PKD1: variants seen among roughly 807,000 people sequenced by gnomAD.
PKD1 encodes the protein polycystin 1, transient receptor potential channel interacting, also known as polycystin-1.
A neutral mutation model predicts 361.7 loss-of-function variants in PKD1; 81 were observed. The ratio of observed to expected loss-of-function variants is 0.22; its 90% CI spans 0.19 to 0.27. The LOEUF (loss-of-function observed/expected upper bound fraction) is 0.27. PKD1 is among the 10% of genes least tolerant of loss of function. PKD1 has a pLI of 1.00. For missense variants in PKD1, 6,399 were observed against 6,118.3 expected (o/e 1.05, Z -1.53); for synonymous variants, 3,615 against 2,818.3 (o/e 1.28, Z -8.95).
rs2092443301 is a variant in PKD1 at position 2,109,365 on chromosome 16, G to A, written c.5802C>T (p.Pro1934=). ...CGCGGGGGAAGCTGTGGGAGAAACGGGGCCCGGGGAGCACCTCGGGGTTGG... is the reference window on the plus strand; with the variant it reads ...CGCGGGGGAAGCTGTGGGAGAAACGAGGCCCGGGGAGCACCTCGGGGTTGG... The part of the protein sequence containing the change: ...GGANPEVLPG[P]RFSHSFPRVG... Residue 1934 remains proline (P), a synonymous_variant, in exon 15 of 46, where the codon CCC becomes CCT. Coordinates refer to ENST00000262304, the MANE Select transcript of PKD1 (RefSeq NM_001009944.3). The A allele has an allele frequency of 6.3e-7, 1 of 1,592,394 alleles. No homozygotes were observed. The highest frequency in any genetic ancestry group is 1.7e-5 in the Admixed American group (1 of 59,808).
In PKD1 at chr16:2,092,530, G is replaced by A; in HGVS notation, c.11219C>T (p.Ser3740Phe). 2 of 1,612,760 alleles carry A rather than the reference G, an allele frequency of 1.2e-6. No individual in the cohort carries two copies. Among genetic ancestry groups the A allele is most frequent in the South Asian group, 1.1e-5 (1 of 91,072 alleles). ...CCGTGGGGGCCCCAGCTCTGGGCTGGACTGGTTCCCGTGGACGTAGGGCAG... is the reference window on the plus strand; with the variant it reads ...CCGTGGGGGCCCCAGCTCTGGGCTGAACTGGTTCCCGTGGACGTAGGGCAG... ...VLLPYVHGNQ[S>F]SPELGPPRLR... Residue 3740 changes from serine to phenylalanine, a missense_variant, in exon 39 of 46, where the codon TCC (serine) becomes TTC (phenylalanine). By Grantham distance (155) the Ser-to-Phe change is radical. Coordinates refer to ENST00000262304, the MANE Select transcript of PKD1 (RefSeq NM_001009944.3).
rs1232180956 is a variant in PKD1, at chr16:2,118,018, T to A, written c.974A>T (p.Tyr325Phe). The A allele has an allele frequency of 1.9e-6, 3 of 1,594,368 alleles. No homozygotes were observed. The highest frequency in any genetic ancestry group is 1.3e-5 in the African/African-American group (1 of 74,836). ...CACGTGATAGCGCCCAGGCAGCACATAGCGATGCGAGGCAGCCGGCCCAGC... is the reference window on the plus strand; with the variant it reads ...CACGTGATAGCGCCCAGGCAGCACAAAGCGATGCGAGGCAGCCGGCCCAGC... The part of the protein sequence containing the change: ...DAAGPAASHR[Y>F]VLPGRYHVTA... The change falls in exon 5 of 46, where the codon TAT becomes TTT. Residue 325 changes from tyrosine to phenylalanine, a missense_variant. Coordinates refer to ENST00000262304, the MANE Select transcript of PKD1 (RefSeq NM_001009944.3). This position sits in a 1 kb window ranked among gnomAD's most constrained non-coding sequence, Gnocchi z 6.0.
At chr16:2,117,276 C>T (rs1276177260) in intron 6 of PKD1, among the ~76,000 whole-genome samples, 2 of 152,190 alleles carry the variant, frequency 1.3e-5, no homozygotes, top group African/African-American at 2.4e-5. Context: ...TCCCGTATGG[C>T]GTGCCCAGGA....
In PKD1 at chr16:2,110,432, G is replaced by A. The variant is rs555352423; in HGVS notation, c.4735C>T (p.Arg1579Cys). The change falls in exon 15 of 46, where the codon CGC (arginine) becomes TGC (cysteine). Residue 1579 changes from arginine to cysteine, a missense_variant. By Grantham distance (180) the Arg-to-Cys change is radical. Transcript: ENST00000262304. ...CGGTCACAGAGCACCCAGGAATAGC[G>A]CACATCACTGCCGGCCTCCAGCGAC... ...STSLEAGSDV[R>C]YSWVLCDRCT... The A allele has an allele frequency of 2.1e-5, 34 of 1,612,550 alleles. No homozygotes were observed. In the South Asian group the frequency reaches 3.0e-4, roughly 14 times the overall value.
chr16:2,121,748 A>AG (rs11373661), intron 1 of PKD1, among the ~76,000 whole-genome samples: 147,247 of 152,156 alleles, frequency 0.97, 71,283 homozygotes, highest in East Asian at 1. Context: ...CTCCTGGCAC[A>AG]GGACTATGGC....
chr16:2,116,492 C>G (rs1441168329), intron 8 of PKD1, 37 bp downstream of exon 8: 2 of 1,167,614 alleles, frequency 1.7e-6, no homozygotes, highest in East Asian at 2.5e-5. Context: ...CAGGGGCAGG[C>G]AGGAGGGCAG....
At position 2,117,493 on chromosome 16, in the gene PKD1, T is replaced by C; in HGVS notation, c.1381A>G (p.Thr461Ala). The change falls in exon 6 of 46, where the codon ACC becomes GCC. Residue 461 changes from threonine (T) to alanine (A), a missense_variant. Transcript: ENST00000262304. The stretch of plus-strand genomic sequence containing the variant: ...TCGGGGGGTGGGGGCAGGCACCTGG[T>C]GACCCGGGAGACCAGGAAGCGCTGC... ...AVQRFLVSRV[T>A]RSLDVWIGFS... 1.3e-6 allele frequency: 2 copies of C among 1,528,908 alleles called. No individual in the cohort carries two copies. The highest frequency in any genetic ancestry group is 2.3e-4 in the Middle Eastern group (1 of 4,292). The allele number at this position is 1,528,908 out of a possible 1,614,324, so 94.7% of individuals were successfully genotyped here.
chr16:2,103,654 C>A lies in PKD1; in HGVS notation c.8403G>T (p.Gly2801=). 6.2e-7 allele frequency: 1 copy of A among 1,610,262 alleles called. No homozygotes were observed. The highest frequency in any genetic ancestry group is 1.3e-5 in the African/African-American group (1 of 74,974). The change falls in exon 23 of 46, where the codon GGG becomes GGT. Residue 2801 remains glycine (G), a synonymous_variant. Transcript: ENST00000262304. ...CGGGGATGGAGAAGTGGCAGCCAGG[C>A]CCTGGGGCGCCGCCATAGCACAGCA... is the stretch of plus-strand genomic sequence containing the variant. ...RSLLCYGGAP[G]PGCHFSIPEA...
Position 2,090,148 on chromosome 16 carries a change from C to G in PKD1, c.12491G>C (p.Arg4164Pro). ...GGATACCTTGGAGCCCCTGGAGGAGCGAGAGGGCAGCGGCTCCATCCCTTC... is the reference window on the plus strand; with the variant it reads ...GGATACCTTGGAGCCCCTGGAGGAGGGAGAGGGCAGCGGCTCCATCCCTTC... ...RFEGMEPLPS[R>P]SSRGSKVSPD... Residue 4164 changes from arginine to proline, a missense_variant, in exon 46 of 46, where the codon CGC becomes CCC. By Grantham distance (103) the Arg-to-Pro change is moderately radical. Coordinates refer to ENST00000262304, the MANE Select transcript of PKD1 (RefSeq NM_001009944.3). The G allele has an allele frequency of 6.3e-7, 1 of 1,594,500 alleles. No individual in the cohort carries two copies. The highest frequency in any genetic ancestry group is 1.1e-5 in the South Asian group (1 of 89,404).
chr16:2,131,436 A>C (rs397833382), intron 1 of PKD1, among the ~76,000 whole-genome samples: 10 of 152,078 alleles, frequency 6.6e-5, no homozygotes, highest in African/African-American at 2.4e-4. Context: ...TGAACCCAGG[A>C]GGCGGAGCTT....
At position 2,089,622 on chromosome 16, in the gene PKD1, C is replaced by CT; in HGVS notation, c.*104dup. 2 of 1,387,074 alleles carry CT rather than the reference C, an allele frequency of 1.4e-6. No homozygotes were observed. Among genetic ancestry groups the CT allele is most frequent in the Non-Finnish European group, 9.9e-7 (1 of 1,009,300 alleles). The allele number at this position is 1,387,074 out of a possible 1,614,324, so 85.9% of individuals were successfully genotyped here. A position where few individuals can be genotyped will look rare whatever the true frequency, so the allele number is the denominator to read the frequency against. Reference sequence around the variant, plus strand: ...TGCCCCTGCCTGCTCTCTGGGGAACCTACGTGCAGCCATTCTGCCTGGCCC... The same window carrying CT: ...TGCCCCTGCCTGCTCTCTGGGGAACCTTACGTGCAGCCATTCTGCCTGGCCC... On this transcript the variant is annotated 3_prime_UTR_variant, in exon 46 of 46. Transcript: ENST00000262304.
At chr16:2,128,433 C>T (rs1252252970) in intron 1 of PKD1, among the ~76,000 whole-genome samples, 2 of 151,714 alleles carry the variant, frequency 1.3e-5, no homozygotes, top group Non-Finnish European at 2.9e-5. Context: ...CGCAGCCCGA[C>T]TCGGAAGCGC....
Position 2,110,263 on chromosome 16 carries a change from A to G in PKD1, c.4904T>C (p.Leu1635Pro). 6.2e-7 allele frequency: 1 copy of G among 1,612,494 alleles called. No individual in the cohort carries two copies. The highest frequency in any genetic ancestry group is 8.5e-7 in the Non-Finnish European group (1 of 1,179,784). The change falls in exon 15 of 46, where the codon CTG (leucine) becomes CCG (proline). Residue 1635 changes from leucine to proline, a missense_variant. Transcript: ENST00000262304. ...GTAGCGGCCACCGCCCACCACCTGC[A>G]GCCCCTCTATGAGCTGCAGGACATA... ...FVYVLQLIEG[L>P]QVVGGGRYFP...
intron 1 of PKD1, among the ~76,000 whole-genome samples, chr16:2,122,601 C>T (rs544340594): frequency 5.1e-4 from 78 of 152,334 alleles, no homozygotes; most frequent in African/African-American, 1.7e-3. Context: ...AGGCCATTCT[C>T]GAGACAGGGT....
At position 2,116,077 on chromosome 16, in the gene PKD1, G is replaced by A; in HGVS notation, c.1764C>T (p.Phe588=). The A allele has an allele frequency of 6.5e-6, 10 of 1,532,322 alleles. No individual in the cohort carries two copies. Among genetic ancestry groups the A allele is most frequent in the Non-Finnish European group, 8.0e-6 (9 of 1,127,712 alleles). 94.9% of individuals were successfully genotyped at this position (1,532,322 alleles called of 1,614,324 possible). A position where few individuals can be genotyped will look rare whatever the true frequency, so the allele number is the denominator to read the frequency against. ...GGGTCCCAAATTCGGCCGTGGTGAG[G>A]AAGGCTTCACGGCTCAGACGCAGGC... ...FPGLRLSREA[F]LTTAEFGTQE... Residue 588 remains phenylalanine, a synonymous_variant, in exon 9 of 46, where the codon TTC becomes TTT. Coordinates refer to ENST00000262304, the MANE Select transcript of PKD1 (RefSeq NM_001009944.3).
chr16:2,122,340 G>A (rs1191842381), intron 1 of PKD1, among the ~76,000 whole-genome samples: 2 of 152,210 alleles, frequency 1.3e-5, no homozygotes, highest in African/African-American at 4.8e-5. Context: ...CTATGCCTGT[G>A]CCCTGGGCTC....
In PKD1 at chr16:2,108,975, C is replaced by A. The variant is rs769174616; in HGVS notation, c.6192G>T (p.Val2064=). Residue 2064 remains valine (V), a synonymous_variant, in exon 15 of 46, where the codon GTG becomes GTT. Transcript: ENST00000262304. Reference sequence around the variant, plus strand: ...TGAAGCAGGGGCCGCTCTGCAGGGCCACATACTGGACGGCGTCCTGAACCT... The same window carrying A: ...TGAAGCAGGGGCCGCTCTGCAGGGCAACATACTGGACGGCGTCCTGAACCT... ...VLEVQDAVQY[V]ALQSGPCFTN... 6.2e-6 allele frequency: 10 copies of A among 1,609,896 alleles called. No individual in the cohort carries two copies. The African/African-American group carries it at 1.3e-4, about 22-fold the overall frequency.
At position 2,110,897 on chromosome 16, in the gene PKD1, T is replaced by C. The variant is rs2239671; in HGVS notation, c.4270A>G (p.Thr1424Ala). 696 of 1,611,010 alleles carry C rather than the reference T, an allele frequency of 4.3e-4. No individual in the cohort carries two copies. Among genetic ancestry groups the C allele is most frequent in the Non-Finnish European group, 5.4e-4 (640 of 1,179,586 alleles). The change falls in exon 15 of 46, where the codon ACC (threonine) becomes GCC (alanine). Residue 1424 changes from threonine (T) to alanine (A), a missense_variant. By Grantham distance (58) the Thr-to-Ala change is moderately conservative (BLOSUM62 0). Transcript: ENST00000262304. The stretch of plus-strand genomic sequence containing the variant: ...GTCACCTCAGGGCCCCTGGCACGGG[T>C]GGGGGCGGCTTCCTCGGTGCCAAAG... ...WDFGTEEAAP[T>A]RARGPEVTFI... is the part of the protein sequence containing the mutation.
chr16:2,108,083 T>C (rs770502089), intron 15 of PKD1, 51 bp from the exon 16 acceptor site: 6 of 1,584,018 alleles, frequency 3.8e-6, no homozygotes, highest in Middle Eastern at 2.3e-4. Context: ...CATCCAGTTT[T>C]AAAGCAGAGC....
Sources: allele counts gnomAD v4.1 joint callset (sites outside exome capture counted in the v4.1 genomes callset), GRCh38; gene constraint gnomAD v4.1.1; non-coding constraint Gnocchi (gnomAD v3.1); transcripts MANE v1.5; gene names NCBI Gene and HGNC (gene_info 2026-07-23, HGNC 2026-07-21).